The following PRDM1 variants were observed in gnomAD, a reference collection of about 807,000 sequenced individuals.
The protein encoded by PRDM1 is PR/SET domain 1.
In PRDM1, 13 loss-of-function variants were observed where a neutral mutation model predicts 62.8. That is an observed-to-expected ratio of 0.21 (90% CI 0.13 to 0.33). The LOEUF is 0.33. Ranked by LOEUF, PRDM1 falls within the 10% of genes least tolerant of loss-of-function variation. The pLI is 1.00. For synonymous variants in PRDM1, 396 were observed against 417.6 expected (o/e 0.95, Z 0.63); for missense variants, 895 against 1,058.8 (o/e 0.85, Z 2.15).
intron 1 of PRDM1, among the ~76,000 whole-genome samples, chr6:106,018,421 G>A (rs1456430938): frequency 1.3e-5 from 2 of 152,184 alleles, no homozygotes; most frequent in East Asian, 1.9e-4. Flanking sequence ...ATGTTGATGT[G>A]TTCTCATTAA....
At chr6:106,033,791 T>A (rs1377743904) in intron 1 of PRDM1, among the ~76,000 whole-genome samples, 6 of 152,150 alleles carry the variant, frequency 3.9e-5, no homozygotes, top group Non-Finnish European at 1.5e-5. Flanking sequence ...TCTCTTTATT[T>A]TTTTTTTTAA....
At chr6:106,083,243 T>C (rs1263254516), upstream of PRDM1, among the ~76,000 whole-genome samples, 7 of 69,554 alleles carry the variant, frequency 1.0e-4, 2 homozygotes, top group Non-Finnish European at 1.9e-4. Flanking sequence ...TGGTAGGGAG[T>C]AGGAAGAAGA....
At chr6:106,098,416 A>G in intron 3 of PRDM1, 1 of 985,258 alleles carries the variant, frequency 1.0e-6, no homozygotes, top group Non-Finnish European at 1.2e-6. Context: ...AAGTAGTATT[A>G]CTCTAGGACA....
intron 1 of PRDM1, among the ~76,000 whole-genome samples, chr6:106,011,522 C>T (rs1772548432): frequency 6.6e-6 from 1 of 152,116 alleles, no homozygotes; most frequent in Admixed American, 6.5e-5. Flanking sequence ...GGGAGCAAGC[C>T]TTGGGAGTGT....
chr6:106,029,805 G>A (rs1165477284), intron 1 of PRDM1, among the ~76,000 whole-genome samples: 1 of 151,978 alleles, frequency 6.6e-6, no homozygotes, highest in African/African-American at 2.4e-5. Context: ...CTTTTGTAGA[G>A]CTGGGATTTT....
At chr6:106,052,612 G>A (rs1773195285) in intron 1 of PRDM1, among the ~76,000 whole-genome samples, 1 of 151,938 alleles carries the variant, frequency 6.6e-6, no homozygotes, top group African/African-American at 2.4e-5. Flanking sequence ...TGATGCATTG[G>A]GTAGGATGGC....
chr6:106,040,721 C>T (rs539129978), intron 1 of PRDM1, among the ~76,000 whole-genome samples: 104 of 152,236 alleles, frequency 6.8e-4, no homozygotes, highest in African/African-American at 2.4e-3. Context: ...AGTAAAAGCT[C>T]CCTTTTCAAT....
In PRDM1 at chr6:106,105,584, C is replaced by G; in HGVS notation, c.1424C>G (p.Ala475Gly). The change falls in exon 5 of 7, where the codon GCC becomes GGC. Residue 475 changes from alanine (A) to glycine (G), a missense_variant. Physicochemically the swap from Ala to Gly is moderately conservative, Grantham distance 60 (BLOSUM62 0). Around this residue, in one of 4 missense-constraint regions of PRDM1, gnomAD observed 444 missense variants for 422.7 expected, o/e 1.05. Coordinates refer to ENST00000369096, the MANE Select transcript of PRDM1 (RefSeq NM_001198.4). ...CCGAGCTCGCTGCCCTCAGATGGAG[C>G]CCGGAGGTTGCTCCAGCCGGAGCAT... ...SLPSSLPSDG[A>G]RRLLQPEHPR... 3 of 1,613,150 alleles carry G rather than the reference C, an allele frequency of 1.9e-6. No homozygotes were observed. The highest frequency in any genetic ancestry group is 1.1e-5 in the South Asian group (1 of 91,040).
At chr6:106,054,946 A>G (rs1740991183) in intron 1 of PRDM1, among the ~76,000 whole-genome samples, 1 of 152,218 alleles carries the variant, frequency 6.6e-6, no homozygotes. Flanking sequence ...GGATTTTGAC[A>G]TTTCATACAC....
chr6:106,104,839 A>T lies in PRDM1; in HGVS notation c.679A>T (p.Ser227Cys). 1 of 1,612,908 alleles carries T rather than the reference A, an allele frequency of 6.2e-7. No individual in the cohort carries two copies. Residue 227 changes from serine to cysteine, a missense_variant, in exon 5 of 7, where the codon AGT becomes TGT. By Grantham distance (112) the Ser-to-Cys change is moderately radical (BLOSUM62 -1). This residue lies in a region of PRDM1 where 444 missense variants were observed against 422.7 expected (regional missense o/e 1.05). Transcript: ENST00000369096. ...TMMNLTQTQS[S>C]LKQPSTEKNE... ...CTTTATTTCAGCACAAACACAGAGC[A>T]GTCTAAAGCAACCGAGCACTGAGAA...
intron 1 of PRDM1, among the ~76,000 whole-genome samples, chr6:106,032,321 G>C (rs375718134): frequency 1.3e-3 from 174 of 130,002 alleles, no homozygotes; most frequent in African/African-American, 4.7e-3. Context: ...ACCACACCCA[G>C]CTAATTTTTT....
chr6:106,074,050 G>T (rs1435881263), intron 1 of PRDM1, among the ~76,000 whole-genome samples: 1 of 152,178 alleles, frequency 6.6e-6, no homozygotes, highest in Non-Finnish European at 1.5e-5. Flanking sequence ...GATAATTCTG[G>T]TGGCAGTGGT....
At chr6:106,055,751 A>G (rs1773255719) in intron 1 of PRDM1, among the ~76,000 whole-genome samples, 1 of 152,204 alleles carries the variant, frequency 6.6e-6, no homozygotes. Context: ...GTTGGTGTTT[A>G]TTAACTAACT....
chr6:105,998,913 ATATATATATATATATATATATTTTTT>A (rs1486700790), intron 1 of PRDM1, among the ~76,000 whole-genome samples: 1,746 of 13,824 alleles, frequency 0.13, 27 homozygotes, highest in South Asian at 0.27. Flanking sequence ...ATATATATAT[ATATATATATATATATATATATTTTTT>A]TTTTTTTTTT....
chr6:106,029,578 T>C (rs554639749), intron 1 of PRDM1, among the ~76,000 whole-genome samples: 3 of 152,256 alleles, frequency 2.0e-5, no homozygotes, highest in South Asian at 2.1e-4. Context: ...ATTGTATGGA[T>C]ATAACAGTCT....
At chr6:106,002,614 T>G (rs1361867233) in intron 1 of PRDM1, among the ~76,000 whole-genome samples, 1 of 152,210 alleles carries the variant, frequency 6.6e-6, no homozygotes, top group Non-Finnish European at 1.5e-5. Flanking sequence ...AAAATATTTT[T>G]TATTATCCTC....
In PRDM1 at chr6:105,994,864, C is replaced by T. The variant is rs896996662; in HGVS notation, c.-67+1225C>T. Among the ~76,000 whole-genome samples, 3 of 152,234 alleles carry T rather than the reference C, an allele frequency of 2.0e-5. No individual in the cohort carries two copies. ...CGCCGCGTCGGGAATGCGAGCCCGGCCACGCGGTCCGACCGGGTCCGGGGA... is the reference window on the plus strand; with the variant it reads ...CGCCGCGTCGGGAATGCGAGCCCGGTCACGCGGTCCGACCGGGTCCGGGGA... On this transcript the variant is annotated intron_variant, in intron 1 of 6. Transcript: ENST00000652320. This position sits in a 1 kb window ranked among gnomAD's most constrained non-coding sequence, Gnocchi z 4.1.
chr6:106,038,807 A>G (rs912935041), intron 1 of PRDM1, among the ~76,000 whole-genome samples: 7 of 152,220 alleles, frequency 4.6e-5, no homozygotes, highest in African/African-American at 1.4e-4. Flanking sequence ...GACCAAAATT[A>G]ACCATAATTT....
upstream of PRDM1, among the ~76,000 whole-genome samples, chr6:106,082,117 T>TC (rs1773703832): frequency 6.6e-6 from 1 of 152,198 alleles, no homozygotes; most frequent in Non-Finnish European, 1.5e-5. Context: ...AAGAGATGAG[T>TC]TTCAGAGTGG....
Sources: gnomAD v4.1 joint callset for allele counts (sites outside exome capture counted in the v4.1 genomes callset) on GRCh38, gnomAD v4.1.1 for gene constraint, gnomAD v4.1.1 regional missense constraint, Gnocchi (gnomAD v3.1) non-coding constraint, MANE v1.5 for transcripts, NCBI Gene and HGNC (gene_info 2026-07-23, HGNC 2026-07-21) for gene names.